ANK3: variants seen among roughly 807,000 people sequenced by gnomAD.
The protein encoded by ANK3 is ankyrin-3.
ANK3 carries 57 observed loss-of-function variants against 370.9 expected under a neutral mutation model. The observed-to-expected ratio is 0.15, with a 90% CI of 0.12 to 0.19. ANK3 has a LOEUF of 0.19. Ranked by LOEUF, ANK3 falls within the 10% of genes least tolerant of loss-of-function variation. ANK3 has a pLI of 1.00. For missense variants in ANK3, 4,439 were observed against 5,302.1 expected, an observed-to-expected ratio of 0.84 and a Z score of 5.06; for synonymous variants, 1,929 against 1,946.3, an observed-to-expected ratio of 0.99 and a Z score of 0.23.
At chr10:60,036,986 C>T (rs1315497227) in intron 43 of ANK3, among the ~76,000 whole-genome samples, 2 of 152,124 alleles carry the variant, frequency 1.3e-5, no homozygotes, top group Admixed American at 6.5e-5. Context: ...AGCCTGAATG[C>T]CTGTCATTCT....
intron 2 of ANK3, among the ~76,000 whole-genome samples, chr10:60,571,018 T>C (rs758302274): frequency 1.3e-4 from 19 of 151,774 alleles, no homozygotes; most frequent in Non-Finnish European, 2.8e-4. Flanking sequence ...TCAAGACACT[T>C]AAAGCCATAT....
chr10:60,687,983 C>T (rs1296783350), intron 1 of ANK3, among the ~76,000 whole-genome samples: 6 of 152,132 alleles, frequency 3.9e-5, no homozygotes, highest in African/African-American at 1.4e-4. Flanking sequence ...TTTCATGATT[C>T]CACTTACATG....
intron 2 of ANK3, among the ~76,000 whole-genome samples, chr10:60,451,848 G>A (rs2064612489): frequency 6.6e-6 from 1 of 152,152 alleles, no homozygotes; most frequent in Non-Finnish European, 1.5e-5. Context: ...GGAACTGAGT[G>A]ATTTTTGCCA....
At chr10:60,222,126 A>T (rs754740713) in intron 8 of ANK3, among the ~76,000 whole-genome samples, 1 of 152,182 alleles carries the variant, frequency 6.6e-6, no homozygotes, top group Non-Finnish European at 1.5e-5. Context: ...TCTTCTACAG[A>T]TTCAGTCTAG....
chr10:60,443,012 A>C (rs901884255), intron 2 of ANK3, among the ~76,000 whole-genome samples: 1 of 152,218 alleles, frequency 6.6e-6, no homozygotes, highest in South Asian at 2.1e-4. Context: ...GAGCTTCATG[A>C]TATTATAAAC....
At chr10:60,266,569 G>C (rs958540287) in intron 5 of ANK3, among the ~76,000 whole-genome samples, 1 of 152,050 alleles carries the variant, frequency 6.6e-6, no homozygotes, top group Non-Finnish European at 1.5e-5. Flanking sequence ...CCACTGATGA[G>C]AATTTTAAAA....
chr10:60,688,391 A>G (rs766146168), intron 1 of ANK3, among the ~76,000 whole-genome samples: 1 of 152,148 alleles, frequency 6.6e-6, no homozygotes, highest in East Asian at 1.9e-4. Context: ...ATTAGCATAA[A>G]ATTTCAGTTA....
chr10:60,549,277 A>G (rs537825186), intron 2 of ANK3, among the ~76,000 whole-genome samples: 2 of 152,286 alleles, frequency 1.3e-5, no homozygotes, highest in South Asian at 4.1e-4. Flanking sequence ...AATAGGTTTC[A>G]AAAGCTGTAG....
At chr10:60,341,603 T>C (rs1566714977) in intron 1 of ANK3, among the ~76,000 whole-genome samples, 1 of 152,172 alleles carries the variant, frequency 6.6e-6, no homozygotes, top group East Asian at 1.9e-4. Flanking sequence ...TTGCACTTTA[T>C]CCACTTATGT....
chr10:60,281,991 G>A (rs937986056), intron 1 of ANK3, among the ~76,000 whole-genome samples: 50 of 152,176 alleles, frequency 3.3e-4, no homozygotes, highest in African/African-American at 1.1e-3. Context: ...TTTTAAAGAG[G>A]TTCACTATTT....
At chr10:60,631,592 T>G (rs2078484670) in intron 1 of ANK3, among the ~76,000 whole-genome samples, 1 of 152,076 alleles carries the variant, frequency 6.6e-6, no homozygotes, top group Admixed American at 6.5e-5. Context: ...TTGTTATCCA[T>G]AAATATAAAA....
At chr10:60,545,570 G>A (rs916627059) in intron 2 of ANK3, among the ~76,000 whole-genome samples, 3 of 151,702 alleles carry the variant, frequency 2.0e-5, no homozygotes, top group Non-Finnish European at 2.9e-5. Context: ...CAAGTATGAT[G>A]GCAAGAACAG....
intron 2 of ANK3, among the ~76,000 whole-genome samples, chr10:60,565,565 G>T (rs1448199151): frequency 6.6e-6 from 1 of 152,132 alleles, no homozygotes; most frequent in East Asian, 1.9e-4. Context: ...TCTTGGGATG[G>T]TCCTTGTTTT....
intron 1 of ANK3, among the ~76,000 whole-genome samples, chr10:60,642,997 C>G (rs528582912): frequency 6.6e-6 from 1 of 151,998 alleles, no homozygotes; most frequent in Non-Finnish European, 1.5e-5. Context: ...ATTATTTTCA[C>G]TCTTATATTT....
At chr10:60,649,917 A>C (rs2078764111) in intron 1 of ANK3, among the ~76,000 whole-genome samples, 1 of 152,148 alleles carries the variant, frequency 6.6e-6, no homozygotes, top group African/African-American at 2.4e-5. Context: ...TTCAGATGGA[A>C]GCTCTAAGAG....
At chr10:60,319,772 A>C (rs1311092921) in intron 1 of ANK3, among the ~76,000 whole-genome samples, 1 of 152,212 alleles carries the variant, frequency 6.6e-6, no homozygotes, top group Non-Finnish European at 1.5e-5. Context: ...TGTAAAAAAA[A>C]GTTACAGTAT....
At chr10:60,648,925 T>A (rs1037185795) in intron 1 of ANK3, among the ~76,000 whole-genome samples, 1 of 152,024 alleles carries the variant, frequency 6.6e-6, no homozygotes, top group African/African-American at 2.4e-5. Flanking sequence ...GCTAGTCATA[T>A]TGGCCACAGC....
intron 1 of ANK3, among the ~76,000 whole-genome samples, chr10:60,696,277 A>C (rs1768863408): frequency 6.7e-6 from 1 of 149,694 alleles, no homozygotes; most frequent in South Asian, 2.2e-4. Context: ...ACCAACCAAA[A>C]AGAGTCCAGG....
rs138041278 is a variant in ANK3, at chr10:60,713,861, G to A, written c.57+19402C>T. ...AGCCTGGGCAACAGAGTGAGACTCC[G>A]TCTCAAAAAAAAGAAAAAGAAAAAG... On this transcript the variant is annotated intron_variant, in intron 1 of 43. Coordinates refer to the ANK3 transcript ENST00000373827. 9.3e-3 allele frequency among the ~76,000 whole-genome samples: 1,396 copies of A among 150,350 alleles called. 23 individuals carry two copies. The highest frequency in any genetic ancestry group is 0.033 in the African/African-American group (1,329 of 40,392).
Sources: gnomAD v4.1 joint callset for allele counts (sites outside exome capture counted in the v4.1 genomes callset) on GRCh38, gnomAD v4.1.1 for gene constraint, MANE v1.5 for transcripts, NCBI Gene and HGNC (gene_info 2026-07-23, HGNC 2026-07-21) for gene names.